Variants in ATP10B observed in about 807,000 individuals in gnomAD.
ATP10B encodes ATPase phospholipid transporting 10B (putative).
A neutral mutation model predicts 141.2 loss-of-function variants in ATP10B; 122 were observed. The ratio of observed to expected loss-of-function variants is 0.86; its 90% CI spans 0.75 to 1.00. The LOEUF (loss-of-function observed/expected upper bound fraction) is 1.00. ATP10B is among the 50% of genes least tolerant of loss of function. The probability of loss-of-function intolerance (pLI) is 0.00; values close to 1 mark genes in which losing one functional copy is unlikely to be tolerated. For synonymous variants in ATP10B, 685 were observed against 692.0 expected, an observed-to-expected ratio of 0.99 and a Z score of 0.16; for missense variants, 1,876 against 1,825.3, an observed-to-expected ratio of 1.03 and a Z score of -0.51.
intron 7 of ATP10B, among the ~76,000 whole-genome samples, chr5:160,667,079 G>A (rs576252316): frequency 3.2e-4 from 48 of 152,168 alleles, no homozygotes; most frequent in African/African-American, 1.1e-3. Context: ...TTAGCCGGGC[G>A]TGGTGGCCGG....
intron 9 of ATP10B, among the ~76,000 whole-genome samples, chr5:160,642,997 T>C (rs1759984517): frequency 3.3e-5 from 5 of 151,096 alleles, no homozygotes; most frequent in Admixed American, 2.7e-4. Flanking sequence ...TATGTGATTA[T>C]GATTACCATT....
chr5:160,669,898 C>G (rs930358201), intron 7 of ATP10B, among the ~76,000 whole-genome samples: 7 of 124,570 alleles, frequency 5.6e-5, no homozygotes, highest in African/African-American at 2.5e-4. Flanking sequence ...GCCATTGCAC[C>G]CAGTGGAGAC....
At chr5:160,728,691 C>A (rs1384866294) in intron 2 of ATP10B, among the ~76,000 whole-genome samples, 1 of 152,166 alleles carries the variant, frequency 6.6e-6, no homozygotes, top group Non-Finnish European at 1.5e-5. Context: ...ATTTTTCACA[C>A]CTTTGGTCTT....
chr5:160,736,648 T>A (rs1169516264), intron 2 of ATP10B, among the ~76,000 whole-genome samples: 2 of 152,226 alleles, frequency 1.3e-5, no homozygotes, highest in Non-Finnish European at 2.9e-5. Context: ...TAGTCCCAAC[T>A]ACCTGGGAGG....
At chr5:160,912,414 CAAAAAAA>C in the ATP10B span, among the ~76,000 whole-genome samples, 183 of 88,882 alleles carry the variant, frequency 2.1e-3, 2 homozygotes, top group East Asian at 0.021. Context: ...CTGTTTCTAC[CAAAAAAA>C]AAAAAAAAAA....
At chr5:160,638,321 G>A (rs968573040) in intron 10 of ATP10B, among the ~76,000 whole-genome samples, 1 of 152,108 alleles carries the variant, frequency 6.6e-6, no homozygotes, top group Non-Finnish European at 1.5e-5. Context: ...CTTGTCCTGT[G>A]ACCTTTTAAT....
intron 7 of ATP10B, among the ~76,000 whole-genome samples, chr5:160,656,599 AT>A (rs748553336): frequency 1.3e-5 from 2 of 152,176 alleles, no homozygotes; most frequent in Non-Finnish European, 2.9e-5. Flanking sequence ...TTAAAATTTC[AT>A]TTACCACTTC....
At chr5:160,659,074 C>A (rs1761711546) in intron 7 of ATP10B, among the ~76,000 whole-genome samples, 1 of 152,124 alleles carries the variant, frequency 6.6e-6, no homozygotes. Flanking sequence ...AATACGTTGT[C>A]TTGGGTACTG....
intron 7 of ATP10B, among the ~76,000 whole-genome samples, chr5:160,667,911 C>A (rs1290285172): frequency 6.6e-6 from 1 of 151,970 alleles, no homozygotes; most frequent in Non-Finnish European, 1.5e-5. Context: ...AGTTTTACTG[C>A]TCCTAGAACT....
chr5:160,643,791 C>T (rs1227642589), intron 9 of ATP10B, among the ~76,000 whole-genome samples: 1 of 152,100 alleles, frequency 6.6e-6, no homozygotes, highest in African/African-American at 2.4e-5. Context: ...AATTGAGGCT[C>T]CAAAGGGGAA....
chr5:160,599,391 T>A (rs1010672398), intron 21 of ATP10B, among the ~76,000 whole-genome samples: 1 of 152,150 alleles, frequency 6.6e-6, no homozygotes, highest in African/African-American at 2.4e-5. Context: ...AGTACAGATT[T>A]TGGAGGCAGA....
Position 160,565,832 on chromosome 5 carries a change from T to A in ATP10B, c.4007A>T (p.Lys1336Ile). 5 of 1,613,940 alleles carry A rather than the reference T, an allele frequency of 3.1e-6. No homozygotes were observed. The highest frequency in any genetic ancestry group is 4.2e-6 in the Non-Finnish European group (5 of 1,179,938). The change falls in exon 26 of 26, where the codon AAA (lysine) becomes ATA (isoleucine). Residue 1336 changes from lysine to isoleucine, a missense_variant. Transcript: ENST00000327245. The stretch of plus-strand genomic sequence containing the variant: ...CAGGTTTCTTTTGTCTGGGGGGAGT[T>A]TGTCAATTTTCTGAGCTTTTGAGAT... The part of the protein sequence containing the change: ...SLISKAQKID[K>I]LPPDKRNLEI...
chr5:160,715,222 T>A (rs4249229), intron 3 of ATP10B, among the ~76,000 whole-genome samples: 1 of 117,680 alleles, frequency 8.5e-6, no homozygotes. Flanking sequence ...GCCTCGTTGC[T>A]GCCTTGCAGT....
chr5:160,654,051 AAT>A (rs769599667), intron 7 of ATP10B, among the ~76,000 whole-genome samples: 5 of 123,114 alleles, frequency 4.1e-5, no homozygotes, highest in Admixed American at 8.1e-5. Flanking sequence ...TACATATATA[AAT>A]ATATGTTGTA....
intron 2 of ATP10B, among the ~76,000 whole-genome samples, chr5:160,783,415 TGG>T (rs1228225990): frequency 5.3e-5 from 7 of 132,742 alleles, no homozygotes; most frequent in African/African-American, 1.9e-4. Context: ...TATCTATCCA[TGG>T]ATATATCCAT....
rs763385041 is a variant in ATP10B, at chr5:160,755,814, CAAAAAAAAAAAAAAAAAA to C, written c.-331+29727_-331+29744del. ...TGGGCGACAGAGCGAGACTCCGTCT[CAAAAAAAAAAAAAAAAAA>C]AAAAAAATATATATATATATATATA... is the stretch of plus-strand genomic sequence containing the variant. On this transcript the variant is annotated intron_variant, in intron 2 of 25. Transcript: ENST00000327245. 4.4e-3 allele frequency among the ~76,000 whole-genome samples: 213 copies of C among 48,114 alleles called. 3 individuals are homozygous for C. In the East Asian group the frequency reaches 0.053, roughly 12 times the overall value. 31.6% of individuals were successfully genotyped at this position (48,114 alleles called of 152,430 possible).
At chr5:160,759,970 G>T (rs147230491) in intron 2 of ATP10B, among the ~76,000 whole-genome samples, 1 of 152,160 alleles carries the variant, frequency 6.6e-6, no homozygotes, top group South Asian at 2.1e-4. Flanking sequence ...AGCCATTACC[G>T]CAGAGGCAAC....
At chr5:160,685,204 C>T (rs1716428319) in intron 6 of ATP10B, 1 of 604,034 alleles carries the variant, frequency 1.7e-6, no homozygotes, top group Non-Finnish European at 3.0e-6. Context: ...CCACCTTTTC[C>T]TCCCTTCCTT....
chr5:160,609,818 A>G (rs887358972), intron 18 of ATP10B, among the ~76,000 whole-genome samples: 1 of 152,226 alleles, frequency 6.6e-6, no homozygotes, highest in African/African-American at 2.4e-5. Flanking sequence ...CTAGGAGTGT[A>G]TGCTTATACC....
Sources: allele counts gnomAD v4.1 joint callset (sites outside exome capture counted in the v4.1 genomes callset), GRCh38; gene constraint gnomAD v4.1.1; transcripts MANE v1.5; gene names NCBI Gene and HGNC (gene_info 2026-07-23, HGNC 2026-07-21).